Variants in KAZN observed in about 807,000 individuals in gnomAD.
KAZN encodes the protein kazrin.
Under a neutral mutation model 87.4 loss-of-function variants are expected in KAZN, and 40 were observed. The observed-to-expected ratio is 0.46, with a 90% CI of 0.36 to 0.60. The LOEUF is 0.60. KAZN is among the 20% of genes least tolerant of loss of function. The pLI is 0.00. For synonymous variants in KAZN, 466 were observed against 458.3 expected, an observed-to-expected ratio of 1.02 and a Z score of -0.22; for missense variants, 898 against 1,073.9, an observed-to-expected ratio of 0.84 and a Z score of 2.29.
At chr1:15,101,074 C>G (rs543211702) in intron 10 of KAZN, among the ~76,000 whole-genome samples, 2 of 152,290 alleles carry the variant, frequency 1.3e-5, no homozygotes, top group South Asian at 4.1e-4. Context: ...CGCCTTCTCA[C>G]CCTCGCTGCG....
At chr1:14,294,936 TC>T (rs1330199936) in intron 2 of KAZN, among the ~76,000 whole-genome samples, 6 of 145,966 alleles carry the variant, frequency 4.1e-5, no homozygotes, top group African/African-American at 1.3e-4. Flanking sequence ...GACACAGAGG[TC>T]CCCAGGGAGT....
intron 2 of KAZN, among the ~76,000 whole-genome samples, chr1:14,544,537 C>T (rs7547248): frequency 0.031 from 4,655 of 151,516 alleles, 87 homozygotes; most frequent in African/African-American, 0.05. Context: ...TCCCTTCGTG[C>T]CTGGGAACTT....
rs571063193 is a variant in KAZN at position 14,183,939 on chromosome 1, T to C, written c.249+3347T>C. Among the ~76,000 whole-genome samples the C allele has an allele frequency of 3.3e-5, 5 of 152,004 alleles. No homozygotes were observed. In the East Asian group the frequency reaches 9.7e-4, roughly 30 times the overall value. Reference sequence around the variant, plus strand: ...GGCTGCCCTGGGTCTGGACAGGAAGTGGGTAGCCTCTTTGCCTAAAACTTG... The same window carrying C: ...GGCTGCCCTGGGTCTGGACAGGAAGCGGGTAGCCTCTTTGCCTAAAACTTG... On this transcript the variant is annotated intron_variant, in intron 2 of 16. Coordinates refer to the KAZN transcript ENST00000636203.
At chr1:14,126,843 C>T (rs1028857212) in intron 1 of KAZN, among the ~76,000 whole-genome samples, 15 of 152,166 alleles carry the variant, frequency 9.9e-5, no homozygotes, top group South Asian at 2.1e-4. Context: ...CGGTGGGTCA[C>T]GCCTGTAATC....
intron 1 of KAZN, among the ~76,000 whole-genome samples, chr1:14,741,488 A>G (rs969628799): frequency 2.0e-5 from 3 of 152,208 alleles, no homozygotes; most frequent in Non-Finnish European, 4.4e-5. Flanking sequence ...CCTGGAAGGG[A>G]ATGTCTGTCA....
intron 1 of KAZN, among the ~76,000 whole-genome samples, chr1:14,020,952 A>G (rs1287154273): frequency 1.3e-5 from 2 of 152,178 alleles, no homozygotes; most frequent in Non-Finnish European, 2.9e-5. Flanking sequence ...ATAAATCATG[A>G]ATCCTCTTGT....
At chr1:14,015,974 C>T (rs564802930) in intron 1 of KAZN, among the ~76,000 whole-genome samples, 1 of 152,068 alleles carries the variant, frequency 6.6e-6, no homozygotes, top group South Asian at 2.1e-4. Context: ...CTCCATATGA[C>T]CAGAGACCAC....
At chr1:14,489,044 C>G (rs1338765175) in intron 2 of KAZN, among the ~76,000 whole-genome samples, 1 of 152,132 alleles carries the variant, frequency 6.6e-6, no homozygotes, top group Admixed American at 6.5e-5. Flanking sequence ...GAAAGAGAAA[C>G]AGAGATCACT....
At chr1:14,538,938 T>G (rs1295857577) in intron 2 of KAZN, among the ~76,000 whole-genome samples, 2 of 152,152 alleles carry the variant, frequency 1.3e-5, no homozygotes, top group African/African-American at 4.8e-5. Flanking sequence ...AATTTACCCT[T>G]TAGTTGCTCC....
At chr1:14,909,136 A>G (rs533712005) in intron 1 of KAZN, among the ~76,000 whole-genome samples, 28 of 152,344 alleles carry the variant, frequency 1.8e-4, no homozygotes, top group South Asian at 1.5e-3. Flanking sequence ...AGGACATAAA[A>G]CAGTAATAGT....
intron 2 of KAZN, among the ~76,000 whole-genome samples, chr1:14,565,983 T>C (rs1440496549): frequency 6.6e-6 from 1 of 152,206 alleles, no homozygotes; most frequent in East Asian, 1.9e-4. Context: ...CTTTTAATGT[T>C]GATGTTTTGA....
chr1:14,662,940 T>C (rs1255679295), intron 1 of KAZN, among the ~76,000 whole-genome samples: 1 of 134,172 alleles, frequency 7.5e-6, no homozygotes, highest in East Asian at 2.1e-4. Flanking sequence ...ATATTATATA[T>C]GTAAATATAT....
At chr1:14,438,964 C>A (rs1248574924) in intron 2 of KAZN, among the ~76,000 whole-genome samples, 1 of 152,186 alleles carries the variant, frequency 6.6e-6, no homozygotes, top group Non-Finnish European at 1.5e-5. Flanking sequence ...CAAATTCACC[C>A]AGTCTTGGGT....
At chr1:14,432,288 C>G (rs1666117736) in intron 2 of KAZN, among the ~76,000 whole-genome samples, 1 of 152,180 alleles carries the variant, frequency 6.6e-6, no homozygotes, top group African/African-American at 2.4e-5. Flanking sequence ...AATTCTGCAA[C>G]AGTGAAAAAT....
chr1:13,999,803 T>C (rs1274723504), intron 1 of KAZN, among the ~76,000 whole-genome samples: 1 of 151,850 alleles, frequency 6.6e-6, no homozygotes, highest in East Asian at 1.9e-4. Flanking sequence ...AACCACTAGC[T>C]AGACTAATAA....
chr1:14,610,614 A>T (rs1335657209), intron 1 of KAZN, among the ~76,000 whole-genome samples: 1 of 152,070 alleles, frequency 6.6e-6, no homozygotes, highest in Non-Finnish European at 1.5e-5. Context: ...CAAGGTCAGG[A>T]ATTACACCAG....
intron 2 of KAZN, among the ~76,000 whole-genome samples, chr1:14,494,077 T>C (rs1449458835): frequency 6.6e-6 from 1 of 152,168 alleles, no homozygotes; most frequent in East Asian, 1.9e-4. Flanking sequence ...GAAGCACGTA[T>C]TTCCCCTGAA....
intron 1 of KAZN, among the ~76,000 whole-genome samples, chr1:13,943,933 G>C (rs568006638): frequency 6.6e-6 from 1 of 152,318 alleles, no homozygotes; most frequent in East Asian, 1.9e-4. Context: ...TTTCTGGTCA[G>C]AATGTAAAAT....
At chr1:14,528,550 G>A (rs930397185) in intron 2 of KAZN, among the ~76,000 whole-genome samples, 1 of 151,274 alleles carries the variant, frequency 6.6e-6, no homozygotes, top group Non-Finnish European at 1.5e-5. Context: ...TTGGGAGGCC[G>A]AGGTGGGAGG....
Sources: allele counts gnomAD v4.1 joint callset (sites outside exome capture counted in the v4.1 genomes callset), GRCh38; gene constraint gnomAD v4.1.1; transcripts MANE v1.5; gene names NCBI Gene and HGNC (gene_info 2026-07-23, HGNC 2026-07-21).